The following LDLRAD4 variants were observed in gnomAD, a reference collection of about 807,000 sequenced individuals.
LDLRAD4 encodes low-density lipoprotein receptor class A domain-containing protein 4.
LDLRAD4 carries 5 observed loss-of-function variants against 17.0 expected under a neutral mutation model. The observed-to-expected ratio is 0.29, with a 90% confidence interval of 0.15 to 0.62. The LOEUF is 0.62. Ranked by LOEUF, LDLRAD4 falls within the 20% of genes least tolerant of loss-of-function variation. LDLRAD4 has a pLI of 0.84. For synonymous variants in LDLRAD4, 168 were observed against 171.8 expected (o/e 0.98, Z 0.17); for missense variants, 340 against 424.7 (o/e 0.80, Z 1.75).
At chr18:13,444,746 G>A (rs904482981) in intron 3 of LDLRAD4, among the ~76,000 whole-genome samples, 1 of 152,228 alleles carries the variant, frequency 6.6e-6, no homozygotes, top group Non-Finnish European at 1.5e-5. Context: ...CCTGGCGCAT[G>A]TAGCATATGG....
intron 1 of LDLRAD4, among the ~76,000 whole-genome samples, chr18:13,386,113 T>G (rs1318445713): frequency 6.6e-6 from 1 of 152,258 alleles, no homozygotes; most frequent in Non-Finnish European, 1.5e-5. Context: ...TGCTCTGTTC[T>G]CTTAAGTTCT....
chr18:13,381,344 A>C (rs1300250632), intron 1 of LDLRAD4, among the ~76,000 whole-genome samples: 2 of 152,134 alleles, frequency 1.3e-5, no homozygotes, highest in Admixed American at 1.3e-4. Flanking sequence ...CTGGGGTTAC[A>C]GGCGTGAGGC....
intron 3 of LDLRAD4, among the ~76,000 whole-genome samples, chr18:13,555,045 A>G (rs1177136633): frequency 6.6e-6 from 1 of 152,164 alleles, no homozygotes; most frequent in East Asian, 1.9e-4. Flanking sequence ...ACAGCAGACA[A>G]ATCCCAGTCA....
chr18:13,286,328 G>C (rs2045620664), intron 1 of LDLRAD4, among the ~76,000 whole-genome samples: 1 of 152,260 alleles, frequency 6.6e-6, no homozygotes. Flanking sequence ...ACGAGAGCTA[G>C]AGATACAGTT....
intron 4 of LDLRAD4, among the ~76,000 whole-genome samples, chr18:13,627,315 T>A (rs1297298696): frequency 1.3e-5 from 2 of 152,148 alleles, no homozygotes; most frequent in African/African-American, 4.8e-5. Flanking sequence ...AAATTGGAGT[T>A]TCCATCTTCT....
chr18:13,518,646 T>C (rs969773252), intron 3 of LDLRAD4, among the ~76,000 whole-genome samples: 3 of 152,232 alleles, frequency 2.0e-5, no homozygotes, highest in Non-Finnish European at 4.4e-5. Flanking sequence ...AGTACATCTA[T>C]GGAAACTCTT....
chr18:13,335,126 A>G (rs1428426774), intron 1 of LDLRAD4, among the ~76,000 whole-genome samples: 1 of 151,952 alleles, frequency 6.6e-6, no homozygotes, highest in Non-Finnish European at 1.5e-5. Flanking sequence ...TATTGGGCCT[A>G]TTTTAAGTTG....
chr18:13,535,740 C>T (rs2094193145), intron 3 of LDLRAD4, among the ~76,000 whole-genome samples: 1 of 152,106 alleles, frequency 6.6e-6, no homozygotes, highest in Admixed American at 6.6e-5. Context: ...AACCTAATGT[C>T]ACAAAGATTT....
chr18:13,453,079 A>G (rs2091932655), intron 3 of LDLRAD4, among the ~76,000 whole-genome samples: 2 of 152,196 alleles, frequency 1.3e-5, no homozygotes, highest in Admixed American at 1.3e-4. Flanking sequence ...AGGTCACGGG[A>G]TTTGCATCAT....
chr18:13,643,093 G>A (rs1285584954), intron 4 of LDLRAD4, among the ~76,000 whole-genome samples: 1 of 151,758 alleles, frequency 6.6e-6, no homozygotes, highest in Non-Finnish European at 1.5e-5. Flanking sequence ...CCGCCACCAC[G>A]CCCAACTAAT....
chr18:13,516,575 T>C (rs1386442007), intron 3 of LDLRAD4, among the ~76,000 whole-genome samples: 1 of 152,222 alleles, frequency 6.6e-6, no homozygotes, highest in African/African-American at 2.4e-5. Flanking sequence ...TGAAATTTCG[T>C]TTATTTCTAA....
At chr18:13,365,847 C>T (rs568272462) in intron 1 of LDLRAD4, among the ~76,000 whole-genome samples, 1 of 152,306 alleles carries the variant, frequency 6.6e-6, no homozygotes, top group Non-Finnish European at 1.5e-5. Flanking sequence ...GATCTTGGCT[C>T]ACTGCAACCT....
intron 3 of LDLRAD4, among the ~76,000 whole-genome samples, chr18:13,464,717 C>CTTTT (rs34872294): frequency 7.4e-6 from 1 of 134,750 alleles, no homozygotes; most frequent in African/African-American, 2.8e-5. Context: ...CAGAGCCTGA[C>CTTTT]TTTTTTTTTT....
intron 1 of LDLRAD4, among the ~76,000 whole-genome samples, chr18:13,335,119 T>G (rs2082045469): frequency 6.6e-6 from 1 of 152,202 alleles, no homozygotes; most frequent in South Asian, 2.1e-4. Context: ...GGTTTCTTAT[T>G]GGGCCTATTT....
At chr18:13,545,949 T>C (rs1480264691) in intron 3 of LDLRAD4, among the ~76,000 whole-genome samples, 1 of 152,142 alleles carries the variant, frequency 6.6e-6, no homozygotes, top group Non-Finnish European at 1.5e-5. Context: ...AAGAGGGAGT[T>C]TCTTAGCAGC....
At chr18:13,558,059 G>C (rs1233030851) in intron 3 of LDLRAD4, among the ~76,000 whole-genome samples, 1 of 152,166 alleles carries the variant, frequency 6.6e-6, no homozygotes, top group Non-Finnish European at 1.5e-5. Flanking sequence ...AGGGCGCTCT[G>C]GGAAACTGCC....
At chr18:13,615,261 G>C (rs1221254176) in intron 3 of LDLRAD4, 1 of 152,266 alleles carries the variant, frequency 6.6e-6, no homozygotes, top group Non-Finnish European at 1.5e-5. Flanking sequence ...GAACGCATGA[G>C]GGGCCCAGAC....
At chr18:13,458,906 A>C (rs1160731407) in intron 3 of LDLRAD4, among the ~76,000 whole-genome samples, 4 of 152,232 alleles carry the variant, frequency 2.6e-5, no homozygotes, top group African/African-American at 9.6e-5. Context: ...GGAAAAGGCA[A>C]ACAAATATTC....
At chr18:13,378,166 T>A (rs1301751093) in intron 1 of LDLRAD4, among the ~76,000 whole-genome samples, 1 of 152,164 alleles carries the variant, frequency 6.6e-6, no homozygotes, top group East Asian at 1.9e-4. Context: ...GGCTGTTATA[T>A]CGCTGATCAG....
Sources: allele counts gnomAD v4.1 joint callset (sites outside exome capture counted in the v4.1 genomes callset), GRCh38; gene constraint gnomAD v4.1.1; transcripts MANE v1.5; gene names NCBI Gene and HGNC (gene_info 2026-07-23, HGNC 2026-07-21).